The following SASH1 variants were observed in gnomAD, a reference collection of about 807,000 sequenced individuals.
SASH1 encodes the protein SAM and SH3 domain containing 1.
In SASH1, 44 loss-of-function variants were observed where a neutral mutation model predicts 125.2. The observed-to-expected ratio is 0.35, with a 90% CI of 0.28 to 0.45. The LOEUF (loss-of-function observed/expected upper bound fraction) is 0.45, where lower values mean the gene tolerates loss of function less well. SASH1 is among the 20% of genes least tolerant of loss of function. SASH1 has a pLI of 1.00. For synonymous variants in SASH1, 639 were observed against 649.1 expected (o/e 0.98, Z 0.24); for missense variants, 1,426 against 1,614.5 (o/e 0.88, Z 2.00).
At chr6:148,302,706 G>GTA (rs773060900) in intron 1 of SASH1, among the ~76,000 whole-genome samples, 65 of 142,076 alleles carry the variant, frequency 4.6e-4, no homozygotes, top group African/African-American at 1.4e-3. Context: ...TACACACTGT[G>GTA]TATATATATA....
intron 2 of SASH1, among the ~76,000 whole-genome samples, chr6:148,422,774 G>A (rs62432287): frequency 0.31 from 20,295 of 64,534 alleles, 1,496 homozygotes; most frequent in South Asian, 0.51. Context: ...AACTTTGTCC[G>A]CCTGTTTCCA....
chr6:148,476,250 A>C (rs985941782), intron 7 of SASH1, among the ~76,000 whole-genome samples: 36 of 149,326 alleles, frequency 2.4e-4, no homozygotes, highest in African/African-American at 9.0e-4. Context: ...AAAACAATAA[A>C]ACATTGATGC....
In SASH1 at chr6:148,514,459, A is replaced by G. The variant is rs1158769919; in HGVS notation, c.862+3A>G. 2.9e-5 allele frequency: 2 copies of G among 69,334 alleles called. No individual in the cohort carries two copies. Among genetic ancestry groups the G allele is most frequent in the Non-Finnish European group, 4.1e-5 (2 of 49,374 alleles). The allele number at this position is 69,334 out of a possible 1,614,324, so 4.3% of individuals were successfully genotyped here. On this transcript the variant is annotated splice_donor_region_variant and intron_variant, in intron 9 of 19. Coordinates refer to ENST00000367467, the MANE Select transcript of SASH1 (RefSeq NM_015278.5). ...AATGAAAAAACCCAGCACTGAAGGT[A>G]AAAAAAAAAAAAAAAAAAAAAAAAA...
the SASH1 span, among the ~76,000 whole-genome samples, chr6:148,212,525 C>T: frequency 6.6e-6 from 1 of 152,168 alleles, no homozygotes; most frequent in Non-Finnish European, 1.5e-5. Context: ...TGACGTAAGG[C>T]TGTCTGTAAT....
At chr6:148,200,463 G>C in the SASH1 span, among the ~76,000 whole-genome samples, 1 of 152,190 alleles carries the variant, frequency 6.6e-6, no homozygotes, top group Non-Finnish European at 1.5e-5. Flanking sequence ...CATTATTGAT[G>C]TGGCTTCGGC....
At chr6:148,304,446 G>A (rs867948258) in intron 1 of SASH1, among the ~76,000 whole-genome samples, 5,673 of 89,170 alleles carry the variant, frequency 0.064, 139 homozygotes, top group Middle Eastern at 0.089. Flanking sequence ...AAAAAAAAAA[G>A]AAAAGAAAAA....
At chr6:148,478,413 A>T (rs1379108463) in intron 7 of SASH1, among the ~76,000 whole-genome samples, 2 of 152,230 alleles carry the variant, frequency 1.3e-5, no homozygotes, top group Non-Finnish European at 2.9e-5. Flanking sequence ...ATTAAGTGAA[A>T]TAATCCAGGC....
intron 1 of SASH1, among the ~76,000 whole-genome samples, chr6:148,300,257 G>A (rs1301552315): frequency 6.6e-6 from 1 of 151,936 alleles, no homozygotes; most frequent in East Asian, 1.9e-4. Context: ...TCTATTGTCA[G>A]CCTTGGTAAA....
chr6:148,482,542 G>T (rs1778672292), intron 7 of SASH1, among the ~76,000 whole-genome samples: 1 of 151,232 alleles, frequency 6.6e-6, no homozygotes, highest in African/African-American at 2.4e-5. Flanking sequence ...TTTTTTTCGA[G>T]GTAGGATCTT....
chr6:148,472,042 T>C (rs1011284653), intron 6 of SASH1, among the ~76,000 whole-genome samples: 20 of 152,256 alleles, frequency 1.3e-4, no homozygotes, highest in Admixed American at 3.3e-4. Context: ...GTGTCTTTTG[T>C]TGTTGTTTAT....
At chr6:148,390,783 G>C (rs961709662) in intron 2 of SASH1, among the ~76,000 whole-genome samples, 3 of 148,300 alleles carry the variant, frequency 2.0e-5, no homozygotes, top group Non-Finnish European at 4.5e-5. Flanking sequence ...GCAAGACTCC[G>C]TCTCAAAAAA....
rs978489239 is a variant in SASH1 at position 148,464,680 on chromosome 6, G to A, written c.387-3865G>A. Among the ~76,000 whole-genome samples the A allele has an allele frequency of 3.3e-5, 5 of 152,182 alleles. No homozygotes were observed. In the East Asian group the frequency reaches 9.6e-4, roughly 29 times the overall value. ...TGTAATAATCATTCTCAAGGAGAAA[G>A]GAGATGGCATTTTGCACTGCTTCTA... is the stretch of plus-strand genomic sequence containing the variant. On this transcript the variant is annotated intron_variant, in intron 4 of 19. Transcript: ENST00000367467.
rs1424174300 is a variant in SASH1 at position 148,545,933 on chromosome 6, TA to T, written c.3349-81del. 1.0e-5 allele frequency: 14 copies of T among 1,381,054 alleles called. No homozygotes were observed. In the Admixed American group the frequency reaches 1.8e-4, roughly 17 times the overall value. The allele number at this position is 1,381,054 out of a possible 1,614,324, so 85.5% of individuals were successfully genotyped here. The stretch of plus-strand genomic sequence containing the variant: ...TCCAGTCTAAGTGACAGTGAGACCC[TA>T]CGTTATATGTGGTGTATCTTAGGGA... On this transcript the variant is annotated intron_variant, in intron 18 of 19. Coordinates refer to ENST00000367467, the MANE Select transcript of SASH1 (RefSeq NM_015278.5).
At chr6:148,314,546 A>C (rs1298811259) in intron 1 of SASH1, among the ~76,000 whole-genome samples, 1 of 152,178 alleles carries the variant, frequency 6.6e-6, no homozygotes, top group Non-Finnish European at 1.5e-5. Context: ...GTTATTTCTA[A>C]GACATTCACG....
At position 148,306,304 on chromosome 6, in the gene SASH1, G is replaced by A. The variant is rs571514850; in HGVS notation, n.74+33927G>A. On this transcript the variant is annotated intron_variant and non_coding_transcript_variant, in intron 1 of 3. Coordinates refer to the SASH1 transcript ENST00000367469. ...GTCAGGATGCCATCTATAGATGTCC[G>A]CCTCTAAAGGGACAGATGGCAGAGA... 3.9e-5 allele frequency among the ~76,000 whole-genome samples: 6 copies of A among 152,250 alleles called. No homozygotes were observed. In the East Asian group the frequency reaches 5.8e-4, roughly 15 times the overall value.
upstream of SASH1, among the ~76,000 whole-genome samples, chr6:148,271,135 C>T (rs942641130): frequency 3.9e-5 from 6 of 152,108 alleles, no homozygotes; most frequent in African/African-American, 9.7e-5. Context: ...GTCTCGAACT[C>T]CTGACCTCAG....
At chr6:148,497,493 G>A (rs1282275301) in intron 8 of SASH1, among the ~76,000 whole-genome samples, 1 of 152,230 alleles carries the variant, frequency 6.6e-6, no homozygotes, top group Non-Finnish European at 1.5e-5. Context: ...AGTCAGACCT[G>A]GGGCTCAGAT....
Position 148,343,118 on chromosome 6 carries a change from C to CGAGCCCGAGCCG in SASH1, c.56_57insCGAGCCGGAGCC (p.Glu20_Pro23dup). ...CGGGGCCGGAGCCTGAGCCCGAGCC[C>CGAGCCCGAGCCG]GAGCCGGAGCCCGAGCCCGCGCCGG... On this transcript the variant is annotated inframe_insertion, in exon 1 of 20. Transcript: ENST00000367467. 1 of 1,588,310 alleles carries CGAGCCCGAGCCG rather than the reference C, an allele frequency of 6.3e-7. No homozygotes were observed. The highest frequency in any genetic ancestry group is 8.5e-7 in the Non-Finnish European group (1 of 1,174,182).
At chr6:148,301,383 T>C (rs12175956) in intron 1 of SASH1, among the ~76,000 whole-genome samples, 117,982 of 149,090 alleles carry the variant, frequency 0.79, 46,977 homozygotes, top group African/African-American at 0.87. Flanking sequence ...CTCCTGCCTC[T>C]GCTTCCCGAG....
Sources: gnomAD v4.1 joint callset for allele counts (sites outside exome capture counted in the v4.1 genomes callset) on GRCh38, gnomAD v4.1.1 for gene constraint, MANE v1.5 for transcripts, NCBI Gene and HGNC (gene_info 2026-07-23, HGNC 2026-07-21) for gene names.